Variants in EYS observed in about 807,000 individuals in gnomAD.
EYS encodes protein eyes shut homolog.
EYS carries 250 observed loss-of-function variants against 282.1 expected under a neutral mutation model. That is an observed-to-expected ratio of 0.89 (90% confidence interval 0.80 to 0.98). EYS has a LOEUF of 0.98. EYS is among the 50% of genes least tolerant of loss of function. The pLI, the probability that EYS is intolerant of heterozygous loss-of-function variation, is 0.00. For missense variants in EYS, 4,016 were observed against 3,709.0 expected (o/e 1.08, Z -2.15); for synonymous variants, 1,355 against 1,282.9 (o/e 1.06, Z -1.20).
intron 22 of EYS, among the ~76,000 whole-genome samples, chr6:64,649,577 T>C (rs1403822918): frequency 6.6e-6 from 1 of 152,084 alleles, no homozygotes; most frequent in Non-Finnish European, 1.5e-5. Flanking sequence ...TAACCTCATG[T>C]TCTGCCTGCC....
At chr6:64,939,497 G>T (rs1453683078) in intron 15 of EYS, among the ~76,000 whole-genome samples, 1 of 151,754 alleles carries the variant, frequency 6.6e-6, no homozygotes, top group Non-Finnish European at 1.5e-5. Context: ...TGTAGATGTT[G>T]CTTATTTTGT....
intron 22 of EYS, among the ~76,000 whole-genome samples, chr6:64,703,429 A>ATATTTTTTTTTTTTTTTT (rs869208549): frequency 4.3e-5 from 1 of 23,362 alleles, no homozygotes; most frequent in Non-Finnish European, 1.1e-4. Flanking sequence ...ATATATATAT[A>ATATTTTTTTTTTTTTTTT]TTTTTTTTTT....
At chr6:65,471,539 T>A (rs991385902) in intron 5 of EYS, among the ~76,000 whole-genome samples, 2 of 152,198 alleles carry the variant, frequency 1.3e-5, no homozygotes, top group Non-Finnish European at 2.9e-5. Context: ...GCTTAGCATA[T>A]CACAACCAGC....
chr6:65,048,761 A>G (rs895049257), intron 13 of EYS, among the ~76,000 whole-genome samples: 9 of 151,750 alleles, frequency 5.9e-5, no homozygotes, highest in Admixed American at 3.3e-4. Flanking sequence ...GCAACAATCC[A>G]TTTATCCGAC....
chr6:65,575,253 G>A (rs1422313201), intron 2 of EYS, among the ~76,000 whole-genome samples: 1 of 151,750 alleles, frequency 6.6e-6, no homozygotes, highest in African/African-American at 2.4e-5. Flanking sequence ...CTTGAATCTG[G>A]GAGGTGGAAG....
chr6:64,124,246 C>A (rs1261121721), intron 31 of EYS, among the ~76,000 whole-genome samples: 2 of 152,112 alleles, frequency 1.3e-5, no homozygotes, highest in Non-Finnish European at 2.9e-5. Flanking sequence ...AAAGTAAGTA[C>A]AAGAAACATA....
At chr6:65,425,144 T>C (rs1767611418) in intron 5 of EYS, among the ~76,000 whole-genome samples, 1 of 152,132 alleles carries the variant, frequency 6.6e-6, no homozygotes, top group Non-Finnish European at 1.5e-5. Flanking sequence ...TTGAATATTG[T>C]GGTTAGTTAT....
At chr6:64,030,611 T>A (rs1303059909) in intron 33 of EYS, among the ~76,000 whole-genome samples, 1 of 152,178 alleles carries the variant, frequency 6.6e-6, no homozygotes, top group African/African-American at 2.4e-5. Context: ...TGAAATCAGA[T>A]GCCTTTCAAA....
chr6:64,581,166 A>G (rs1215683403), intron 26 of EYS, among the ~76,000 whole-genome samples: 2 of 152,156 alleles, frequency 1.3e-5, no homozygotes, highest in Admixed American at 6.6e-5. Flanking sequence ...AGAATTAAAG[A>G]TGAGTGGAAA....
At chr6:63,925,143 C>T (rs1359900458) in intron 35 of EYS, among the ~76,000 whole-genome samples, 4 of 152,098 alleles carry the variant, frequency 2.6e-5, no homozygotes, top group Non-Finnish European at 4.4e-5. Context: ...AGAAAGCAGC[C>T]CTGAGAATTA....
chr6:64,783,853 C>T (rs1458074060), intron 22 of EYS, among the ~76,000 whole-genome samples: 1 of 152,038 alleles, frequency 6.6e-6, no homozygotes, highest in East Asian at 1.9e-4. Flanking sequence ...TTTCTTTACC[C>T]CAACTCTGCT....
At position 65,254,650 on chromosome 6, in the gene EYS, T is replaced by C. The variant is rs189124999; in HGVS notation, c.2023+41213A>G. On this transcript the variant is annotated intron_variant, in intron 12 of 42. Transcript: ENST00000503581. Reference sequence around the variant, plus strand: ...ATGTGGAATTCAGTATAGATTTTCATATTCTAAGGAGCTTCCCAATTTATT... The same window carrying C: ...ATGTGGAATTCAGTATAGATTTTCACATTCTAAGGAGCTTCCCAATTTATT... 2.2e-3 allele frequency among the ~76,000 whole-genome samples: 340 copies of C among 151,976 alleles called. 3 individuals carry two copies. Among genetic ancestry groups the C allele is most frequent in the African/African-American group, 7.7e-3 (321 of 41,532 alleles).
chr6:65,491,365 A>C, intron 4 of EYS: 1 of 308,178 alleles, frequency 3.2e-6, no homozygotes, highest in Non-Finnish European at 6.4e-6. Context: ...ACCTTAGTAG[A>C]GGAATGTGCC....
intron 22 of EYS, among the ~76,000 whole-genome samples, chr6:64,773,317 T>C (rs1436596129): frequency 1.3e-5 from 2 of 151,942 alleles, no homozygotes; most frequent in African/African-American, 4.8e-5. Flanking sequence ...GATCTCATTC[T>C]TTTTTATGGC....
intron 23 of EYS, among the ~76,000 whole-genome samples, chr6:64,622,023 A>G (rs980570247): frequency 2.6e-5 from 4 of 152,210 alleles, no homozygotes; most frequent in African/African-American, 9.6e-5. Context: ...GAATACCTAT[A>G]TTGATACTTC....
At chr6:63,776,300 CTT>C (rs1385829863) in intron 40 of EYS, among the ~76,000 whole-genome samples, 1 of 152,154 alleles carries the variant, frequency 6.6e-6, no homozygotes, top group Non-Finnish European at 1.5e-5. Context: ...ACTTAACACT[CTT>C]GTTACCTCAT....
intron 18 of EYS, among the ~76,000 whole-genome samples, chr6:64,887,487 G>T (rs546087399): frequency 6.6e-6 from 1 of 151,886 alleles, no homozygotes; most frequent in Non-Finnish European, 1.5e-5. Flanking sequence ...TAAACTGATC[G>T]AAACTGTATA....
intron 22 of EYS, among the ~76,000 whole-genome samples, chr6:64,672,268 C>T (rs1219504616): frequency 6.6e-6 from 1 of 152,226 alleles, no homozygotes; most frequent in Non-Finnish European, 1.5e-5. Flanking sequence ...AGCCACAGAA[C>T]AGCAGTGTTG....
intron 26 of EYS, among the ~76,000 whole-genome samples, chr6:64,542,465 T>A (rs1764719033): frequency 6.6e-6 from 1 of 152,068 alleles, no homozygotes; most frequent in South Asian, 2.1e-4. Context: ...TACCTGAATA[T>A]AAAGCTTTTG....
Sources: allele counts gnomAD v4.1 joint callset (sites outside exome capture counted in the v4.1 genomes callset), GRCh38; gene constraint gnomAD v4.1.1; transcripts MANE v1.5; gene names NCBI Gene and HGNC (gene_info 2026-07-23, HGNC 2026-07-21).